Variants in NRXN1 observed in about 807,000 individuals in gnomAD.
NRXN1 encodes neurexin-1.
In NRXN1, 39 loss-of-function variants were observed where a neutral mutation model predicts 150.9. The ratio of observed to expected loss-of-function variants is 0.26; its 90% CI spans 0.20 to 0.34. The LOEUF is 0.34. Among genes scored for constraint, NRXN1 ranks in the 10% least tolerant of loss-of-function variants. The pLI, the probability that NRXN1 is intolerant of heterozygous loss-of-function variation, is 1.00. For synonymous variants in NRXN1, 924 were observed against 757.0 expected, an observed-to-expected ratio of 1.22 and a Z score of -3.62; for missense variants, 1,815 against 1,949.9, an observed-to-expected ratio of 0.93 and a Z score of 1.30.
chr2:50,112,188 T>G (rs1421186014), intron 18 of NRXN1, among the ~76,000 whole-genome samples: 1 of 152,182 alleles, frequency 6.6e-6, no homozygotes, highest in Non-Finnish European at 1.5e-5. Context: ...CCTCCAGATC[T>G]CCCATCTGTG....
intron 5 of NRXN1, among the ~76,000 whole-genome samples, chr2:50,859,064 C>T (rs1358022215): frequency 6.6e-6 from 1 of 152,026 alleles, no homozygotes. Context: ...GCCCTTACTA[C>T]CCTGTTCCGA....
intron 17 of NRXN1, among the ~76,000 whole-genome samples, chr2:50,418,924 CTT>C (rs1322505913): frequency 6.6e-6 from 1 of 151,722 alleles, no homozygotes; most frequent in Non-Finnish European, 1.5e-5. Context: ...TTACAAAAAT[CTT>C]TTTTATTTTA....
At chr2:50,736,418 C>T (rs923310081) in intron 5 of NRXN1, among the ~76,000 whole-genome samples, 2 of 151,854 alleles carry the variant, frequency 1.3e-5, no homozygotes, top group African/African-American at 2.4e-5. Context: ...TTGTGGAACG[C>T]CCTAGTGAGT....
At chr2:50,239,931 A>C (rs373880782) in intron 17 of NRXN1, among the ~76,000 whole-genome samples, 1 of 151,274 alleles carries the variant, frequency 6.6e-6, no homozygotes, top group East Asian at 1.9e-4. Flanking sequence ...AGAACATTTA[A>C]TATATGTAGA....
At chr2:50,527,159 G>C (rs1260391604) in intron 12 of NRXN1, among the ~76,000 whole-genome samples, 3 of 152,100 alleles carry the variant, frequency 2.0e-5, no homozygotes, top group African/African-American at 7.2e-5. Context: ...GGTCTAGAAA[G>C]GAATATTGGT....
intron 18 of NRXN1, among the ~76,000 whole-genome samples, chr2:50,095,762 G>A (rs1181705248): frequency 2.7e-5 from 1 of 37,094 alleles, no homozygotes; most frequent in Admixed American, 2.7e-4. Flanking sequence ...GAGAACATCC[G>A]ACTTTTTTTT....
At chr2:50,958,395 T>C (rs1692611468) in intron 2 of NRXN1, among the ~76,000 whole-genome samples, 1 of 152,110 alleles carries the variant, frequency 6.6e-6, no homozygotes, top group South Asian at 2.1e-4. Flanking sequence ...TTAACATATA[T>C]ACTATTTACA....
intron 19 of NRXN1, among the ~76,000 whole-genome samples, chr2:50,058,731 G>A (rs1694031247): frequency 6.6e-6 from 1 of 152,098 alleles, no homozygotes; most frequent in African/African-American, 2.4e-5. Flanking sequence ...TATGGGGGTG[G>A]GTTTTTCCCA....
At chr2:50,704,023 C>G (rs971819713) in intron 5 of NRXN1, among the ~76,000 whole-genome samples, 14 of 152,106 alleles carry the variant, frequency 9.2e-5, no homozygotes, top group African/African-American at 3.1e-4. Flanking sequence ...TAACTTACAT[C>G]ACTTCTGGTG....
At chr2:50,561,365 A>C (rs1187772013) in intron 8 of NRXN1, among the ~76,000 whole-genome samples, 1 of 152,228 alleles carries the variant, frequency 6.6e-6, no homozygotes, top group East Asian at 1.9e-4. Flanking sequence ...GGAAAAATGA[A>C]CCACAAATGT....
At chr2:50,598,375 C>T (rs1558996180) in intron 8 of NRXN1, among the ~76,000 whole-genome samples, 4 of 151,804 alleles carry the variant, frequency 2.6e-5, no homozygotes, top group East Asian at 1.9e-4. Context: ...AGTTACTTAG[C>T]TTCCTTGAGC....
chr2:50,528,697 G>A (rs200144333), intron 11 of NRXN1, 46 bp from the exon 12 acceptor site: 339 of 1,261,404 alleles, frequency 2.7e-4, no homozygotes, highest in Admixed American at 5.9e-4. Context: ...ATCCTTCAAG[G>A]TAATAGCTGC....
chr2:50,241,218 C>CA (rs201711583), intron 17 of NRXN1, among the ~76,000 whole-genome samples: 9,693 of 144,312 alleles, frequency 0.067, 555 homozygotes, highest in African/African-American at 0.16. Flanking sequence ...TAGCATAATG[C>CA]AAAAAAAAAA....
intron 18 of NRXN1, among the ~76,000 whole-genome samples, chr2:50,183,300 A>G (rs1340570047): frequency 6.6e-6 from 1 of 152,048 alleles, no homozygotes; most frequent in Non-Finnish European, 1.5e-5. Context: ...TCAAAGGTTT[A>G]TTATACCACA....
intron 2 of NRXN1, among the ~76,000 whole-genome samples, chr2:50,935,578 T>C (rs1212081437): frequency 6.6e-6 from 1 of 152,028 alleles, no homozygotes; most frequent in Non-Finnish European, 1.5e-5. Flanking sequence ...AATACAAAAA[T>C]TAGCCAGGCA....
intron 7 of NRXN1, 180 bp downstream of exon 7, chr2:50,621,046 A>T: frequency 1.9e-6 from 1 of 537,932 alleles, no homozygotes; most frequent in Non-Finnish European, 3.3e-6. Flanking sequence ...AGGAACAGGT[A>T]AAAAATAAGA....
rs148862918 is a variant in NRXN1, at chr2:50,266,994, T to C, written c.3365-30024A>G. ...ATAGCTACCTAGGGAATTAATTATT[T>C]AATTTGTGCACACCTTATGATCATG... On this transcript the variant is annotated intron_variant, in intron 17 of 22. Transcript: ENST00000401669. 2.4e-4 allele frequency among the ~76,000 whole-genome samples: 37 copies of C among 152,320 alleles called. No homozygotes were observed. The East Asian group carries it at 5.8e-3, about 24-fold the overall frequency.
intron 21 of NRXN1, chr2:49,974,087 A>G: frequency 1.4e-6 from 1 of 717,100 alleles, no homozygotes; most frequent in East Asian, 2.7e-5. Context: ...TCTGAAATCA[A>G]TACTGGTGAC....
At chr2:50,404,902 A>G (rs1008412675) in intron 17 of NRXN1, among the ~76,000 whole-genome samples, 1 of 152,058 alleles carries the variant, frequency 6.6e-6, no homozygotes, top group Non-Finnish European at 1.5e-5. Context: ...CATTGAACAG[A>G]GTTCAAAAGA....
Sources: gnomAD v4.1 joint callset for allele counts (sites outside exome capture counted in the v4.1 genomes callset) on GRCh38, gnomAD v4.1.1 for gene constraint, MANE v1.5 for transcripts, NCBI Gene and HGNC (gene_info 2026-07-23, HGNC 2026-07-21) for gene names.